GRM8: variants seen among roughly 807,000 people sequenced by gnomAD.
The protein encoded by GRM8 is glutamate metabotropic receptor 8, also known as metabotropic glutamate receptor 8.
GRM8 carries 47 observed loss-of-function variants against 87.2 expected under a neutral mutation model. The ratio of observed to expected loss-of-function variants is 0.54; its 90% CI spans 0.43 to 0.69. GRM8 has a LOEUF of 0.69. Ranked by LOEUF, GRM8 falls within the 30% of genes least tolerant of loss-of-function variation. The pLI, the probability that GRM8 is intolerant of heterozygous loss-of-function variation, is 0.00. For synonymous variants in GRM8, 396 were observed against 404.5 expected, an observed-to-expected ratio of 0.98 and a Z score of 0.25; for missense variants, 1,019 against 1,139.2, an observed-to-expected ratio of 0.89 and a Z score of 1.52.
intron 7 of GRM8, among the ~76,000 whole-genome samples, chr7:126,621,568 G>C (rs1412340046): frequency 6.6e-6 from 1 of 151,898 alleles, no homozygotes; most frequent in East Asian, 1.9e-4. Flanking sequence ...ACAGGCATGT[G>C]CCACCATGCC....
chr7:127,211,895 AAC>A (rs1796232027), intron 2 of GRM8, among the ~76,000 whole-genome samples: 1 of 152,250 alleles, frequency 6.6e-6, no homozygotes, highest in Non-Finnish European at 1.5e-5. Flanking sequence ...GGAACAGACT[AAC>A]ACAACCCTAT....
chr7:127,106,619 G>T lies in GRM8; in HGVS notation c.604C>A (p.Gln202Lys). ...ACGATGTCCACCATGGCTTGGGCTT[G>T]GTAGGAGTCAGGCGGAACCACTCGA... Reference protein sequence around the residue: ...FSRVVPPDSYQAQAMVDIVTA... With the variant: ...FSRVVPPDSYKAQAMVDIVTA... Residue 202 changes from glutamine to lysine, a missense_variant, in exon 3 of 11, where the codon CAA becomes AAA. Physicochemically the swap from Gln to Lys is moderately conservative, Grantham distance 53. Coordinates refer to ENST00000339582, the MANE Select transcript of GRM8 (RefSeq NM_000845.3). The T allele has an allele frequency of 6.2e-7, 1 of 1,613,934 alleles. No homozygotes were observed.
chr7:126,941,610 ACT>A (rs1353621192), intron 3 of GRM8, among the ~76,000 whole-genome samples: 2 of 150,118 alleles, frequency 1.3e-5, no homozygotes, highest in Admixed American at 6.6e-5. Context: ...ACAGAGCAAG[ACT>A]CTGTCTCAAA....
intron 2 of GRM8, among the ~76,000 whole-genome samples, chr7:127,151,878 C>A (rs1025627627): frequency 6.6e-6 from 1 of 151,988 alleles, no homozygotes; most frequent in Admixed American, 6.6e-5. Flanking sequence ...AGTCTATATT[C>A]TGAGGTTTTG....
chr7:126,950,438 G>A (rs1808012494), intron 3 of GRM8, among the ~76,000 whole-genome samples: 1 of 151,822 alleles, frequency 6.6e-6, no homozygotes, highest in Non-Finnish European at 1.5e-5. Context: ...TATATTAACA[G>A]CAACTTTCTC....
intron 2 of GRM8, among the ~76,000 whole-genome samples, chr7:127,170,983 CAT>C (rs1266983217): frequency 6.6e-6 from 1 of 151,912 alleles, no homozygotes; most frequent in Non-Finnish European, 1.5e-5. Flanking sequence ...CCCCCAAAAA[CAT>C]ATTGAAATAA....
intron 2 of GRM8, among the ~76,000 whole-genome samples, chr7:127,170,993 TA>T (rs368145132): frequency 0.014 from 2,155 of 151,548 alleles, 43 homozygotes; most frequent in African/African-American, 0.048. Flanking sequence ...CATATTGAAA[TA>T]AAAAAAATGA....
At chr7:126,963,935 C>T (rs902808573) in intron 3 of GRM8, among the ~76,000 whole-genome samples, 1 of 152,204 alleles carries the variant, frequency 6.6e-6, no homozygotes, top group Middle Eastern at 3.4e-3. Context: ...GATACAGGAA[C>T]CAAAACAACA....
chr7:126,680,480 A>G (rs1055640559), intron 7 of GRM8, among the ~76,000 whole-genome samples: 1 of 152,210 alleles, frequency 6.6e-6, no homozygotes, highest in African/African-American at 2.4e-5. Context: ...TGCAATACAT[A>G]TTACAGTGGA....
chr7:126,746,217 C>A (rs929066658), intron 7 of GRM8, among the ~76,000 whole-genome samples: 1 of 151,520 alleles, frequency 6.6e-6, no homozygotes, highest in Non-Finnish European at 1.5e-5. Flanking sequence ...ACAAATAAAC[C>A]TTCAATGTAT....
At position 127,243,224 on chromosome 7, in the gene GRM8, G is replaced by A. The variant is rs768046591; in HGVS notation, c.-20C>T. On this transcript the variant is annotated 5_prime_UTR_variant, in exon 2 of 11. Coordinates refer to ENST00000339582, the MANE Select transcript of GRM8 (RefSeq NM_000845.3). The stretch of plus-strand genomic sequence containing the variant: ...TACCATTTTCTCCACAGGTGGTATT[G>A]CAATCCAAGACCCAAAGTTTATTCT... The A allele has an allele frequency of 6.3e-7, 1 of 1,588,528 alleles. No homozygotes were observed. Among genetic ancestry groups the A allele is most frequent in the Non-Finnish European group, 8.5e-7 (1 of 1,172,930 alleles).
chr7:126,469,065 A>G (rs1170482169), intron 9 of GRM8, among the ~76,000 whole-genome samples: 4 of 152,126 alleles, frequency 2.6e-5, no homozygotes, highest in Non-Finnish European at 4.4e-5. Context: ...GTTAGTATAT[A>G]AGACCAACAC....
intron 7 of GRM8, among the ~76,000 whole-genome samples, chr7:126,742,615 G>C (rs1237405531): frequency 6.6e-6 from 1 of 151,736 alleles, no homozygotes; most frequent in Non-Finnish European, 1.5e-5. Context: ...CAGACTCTTA[G>C]CCTGCCTTCT....
At chr7:126,886,445 A>G (rs1800509446) in intron 6 of GRM8, among the ~76,000 whole-genome samples, 1 of 152,182 alleles carries the variant, frequency 6.6e-6, no homozygotes. Context: ...AAGGTGCCTA[A>G]GTGAACAATA....
chr7:126,912,879 C>G (rs1586431995), intron 3 of GRM8, among the ~76,000 whole-genome samples: 1 of 152,264 alleles, frequency 6.6e-6, no homozygotes, highest in East Asian at 1.9e-4. Context: ...TTAAAACTTC[C>G]TTTCAAAGAC....
intron 3 of GRM8, among the ~76,000 whole-genome samples, chr7:127,090,416 C>A (rs17864127): frequency 0.071 from 10,832 of 152,170 alleles, 511 homozygotes; most frequent in African/African-American, 0.13. Context: ...AGTCATGACT[C>A]ACATCTCATG....
intron 2 of GRM8, among the ~76,000 whole-genome samples, chr7:127,188,895 T>C (rs577805650): frequency 6.6e-6 from 1 of 152,326 alleles, no homozygotes; most frequent in Non-Finnish European, 1.5e-5. Flanking sequence ...CCTATCCCTG[T>C]GACTTTTATC....
At chr7:126,637,171 G>A (rs1450889222) in intron 7 of GRM8, among the ~76,000 whole-genome samples, 1 of 152,008 alleles carries the variant, frequency 6.6e-6, no homozygotes, top group Non-Finnish European at 1.5e-5. Context: ...TTATCCAGGA[G>A]AGAATAATTA....
chr7:126,469,231 A>T (rs1804862185), intron 9 of GRM8, among the ~76,000 whole-genome samples: 1 of 152,156 alleles, frequency 6.6e-6, no homozygotes, highest in Non-Finnish European at 1.5e-5. Flanking sequence ...ATTCTCTAAC[A>T]AATATTTTAA....
Sources: gnomAD v4.1 joint callset for allele counts (sites outside exome capture counted in the v4.1 genomes callset) on GRCh38, gnomAD v4.1.1 for gene constraint, MANE v1.5 for transcripts, NCBI Gene and HGNC (gene_info 2026-07-23, HGNC 2026-07-21) for gene names.